The following FBXW11 variants were observed in gnomAD, a reference collection of about 807,000 sequenced individuals.
The protein encoded by FBXW11 is F-box/WD repeat-containing protein 11.
In FBXW11, 19 loss-of-function variants were observed where a neutral mutation model predicts 77.6. That is an observed-to-expected ratio of 0.24 (90% CI 0.17 to 0.36). The LOEUF (loss-of-function observed/expected upper bound fraction) is 0.36, where lower values mean the gene tolerates loss of function less well. FBXW11 is among the 10% of genes least tolerant of loss of function. The pLI, the probability that FBXW11 is intolerant of heterozygous loss-of-function variation, is 1.00. For missense variants in FBXW11, 334 were observed against 704.2 expected (o/e 0.47, Z 5.95); for synonymous variants, 235 against 249.4 (o/e 0.94, Z 0.54).
chr5:171,922,372 T>C (rs1761645905), intron 2 of FBXW11, among the ~76,000 whole-genome samples: 1 of 152,228 alleles, frequency 6.6e-6, no homozygotes, highest in Non-Finnish European at 1.5e-5. Context: ...AGCTTTTCAT[T>C]GTTCTTGTTA....
intron 2 of FBXW11, among the ~76,000 whole-genome samples, chr5:171,931,815 CTCTCTCT>C (rs1237110837): frequency 3.8e-5 from 4 of 105,364 alleles, no homozygotes; most frequent in Non-Finnish European, 5.4e-5. Context: ...TCTCTCTCTC[CTCTCTCT>C]CTCTCTCTCT....
At chr5:171,878,591 T>TG (rs1561640265) in intron 7 of FBXW11, among the ~76,000 whole-genome samples, 3,022 of 95,188 alleles carry the variant, frequency 0.032, 71 homozygotes, top group East Asian at 0.11. Flanking sequence ...TGTGTGTGTG[T>TG]AAGAGAGAGA....
At chr5:171,891,419 A>G in intron 7 of FBXW11, 48 bp downstream of exon 7, 1 of 1,534,908 alleles carries the variant, frequency 6.5e-7, no homozygotes, top group Non-Finnish European at 8.8e-7. Context: ...AGTGTCTAAC[A>G]CATAGCCACG....
intron 2 of FBXW11, among the ~76,000 whole-genome samples, chr5:171,933,863 C>T (rs796355303): frequency 5.9e-5 from 9 of 151,696 alleles, no homozygotes; most frequent in African/African-American, 2.2e-4. Flanking sequence ...AAAAAAAAAA[C>T]TATACAGGGA....
In FBXW11 at chr5:171,863,678, C is replaced by T. The variant is rs557178290; in HGVS notation, c.*449G>A. The T allele has an allele frequency of 1.6e-4, 25 of 152,666 alleles. No individual in the cohort carries two copies. Among genetic ancestry groups the T allele is most frequent in the Non-Finnish European group, 2.9e-4 (20 of 68,012 alleles). 9.5% of individuals were successfully genotyped at this position (152,666 alleles called of 1,614,324 possible). On this transcript the variant is annotated 3_prime_UTR_variant, in exon 14 of 14. Transcript: ENST00000517395. ...AATGCTAACTTTTGAAAATGAAAGCCCTGGACATTCTGGGTAGGTGTTTGG... is the reference window on the plus strand; with the variant it reads ...AATGCTAACTTTTGAAAATGAAAGCTCTGGACATTCTGGGTAGGTGTTTGG...
intron 1 of FBXW11, chr5:172,003,369 G>A (rs1766531633): frequency 6.6e-6 from 1 of 152,148 alleles, no homozygotes; most frequent in Admixed American, 6.5e-5. Flanking sequence ...GATACATATT[G>A]TACAGTTCTC....
intron 1 of FBXW11, among the ~76,000 whole-genome samples, chr5:172,005,214 T>C (rs1053662653): frequency 2.6e-5 from 4 of 152,214 alleles, no homozygotes; most frequent in Non-Finnish European, 4.4e-5. Context: ...GAAGAAAATC[T>C]GGCTAGGAAA....
At chr5:171,948,077 T>C (rs2113234219) in intron 2 of FBXW11, among the ~76,000 whole-genome samples, 1 of 150,982 alleles carries the variant, frequency 6.6e-6, no homozygotes, top group Admixed American at 6.6e-5. Flanking sequence ...CTACTAAAAA[T>C]ACAAAAAATT....
intron 1 of FBXW11, among the ~76,000 whole-genome samples, chr5:171,994,436 C>G (rs1381763209): frequency 6.6e-6 from 1 of 152,036 alleles, no homozygotes; most frequent in African/African-American, 2.4e-5. Context: ...GTTTTGAGTG[C>G]CAACGTGATG....
intron 2 of FBXW11, among the ~76,000 whole-genome samples, chr5:171,931,607 G>A (rs1424437619): frequency 6.6e-6 from 1 of 152,118 alleles, no homozygotes; most frequent in South Asian, 2.1e-4. Flanking sequence ...GATGATCTTA[G>A]GTTTGTTGAT....
chr5:171,903,539 T>C (rs539422564), intron 4 of FBXW11, among the ~76,000 whole-genome samples: 41 of 152,342 alleles, frequency 2.7e-4, no homozygotes, highest in Non-Finnish European at 4.6e-4. Flanking sequence ...CAGCCTTCTT[T>C]TATCACATTT....
chr5:171,980,694 T>C (rs1435610956), intron 1 of FBXW11, among the ~76,000 whole-genome samples: 2 of 152,168 alleles, frequency 1.3e-5, no homozygotes, highest in African/African-American at 2.4e-5. Flanking sequence ...CTGACTAGGA[T>C]GTAGAGCAAC....
intron 1 of FBXW11, chr5:171,977,746 ACT>A (rs1426702974): frequency 1.7e-5 from 6 of 347,450 alleles, no homozygotes; most frequent in East Asian, 2.0e-4. Flanking sequence ...GTGCAGGGAA[ACT>A]CCCCTTTTTA....
At chr5:171,902,530 T>C (rs929140282) in intron 4 of FBXW11, among the ~76,000 whole-genome samples, 6 of 152,144 alleles carry the variant, frequency 3.9e-5, no homozygotes, top group African/African-American at 1.4e-4. Flanking sequence ...CCTTTGAAAC[T>C]CATCTAAGAA....
intron 6 of FBXW11, among the ~76,000 whole-genome samples, chr5:171,893,431 A>AAAAAAAAC (rs1759508050): frequency 6.9e-6 from 1 of 145,158 alleles, no homozygotes; most frequent in African/African-American, 2.5e-5. Context: ...CAAAAAAAAA[A>AAAAAAAAC]AAAAAAAAAA....
intron 2 of FBXW11, among the ~76,000 whole-genome samples, chr5:171,928,299 T>C (rs1450097585): frequency 6.6e-6 from 1 of 152,150 alleles, no homozygotes; most frequent in African/African-American, 2.4e-5. Context: ...TTGCAAGACT[T>C]AATATTAAGA....
intron 2 of FBXW11, among the ~76,000 whole-genome samples, chr5:171,948,977 A>G (rs758557590): frequency 4.7e-4 from 71 of 152,338 alleles, no homozygotes; most frequent in Admixed American, 1.6e-3. Flanking sequence ...AACTTTCTCT[A>G]AAATATTAAT....
intron 1 of FBXW11, among the ~76,000 whole-genome samples, chr5:171,967,883 T>TACACACACACAC (rs59469025): frequency 1.3e-5 from 1 of 74,978 alleles, no homozygotes; most frequent in African/African-American, 5.9e-5. Flanking sequence ...TATATATATA[T>TACACACACACAC]ACACACACAC....
chr5:171,921,240 G>C (rs980062325), intron 2 of FBXW11, among the ~76,000 whole-genome samples: 2 of 152,134 alleles, frequency 1.3e-5, no homozygotes, highest in Non-Finnish European at 2.9e-5. Context: ...GGTACAACAG[G>C]CTCTTAGCAG....
Sources: allele counts gnomAD v4.1 joint callset (sites outside exome capture counted in the v4.1 genomes callset), GRCh38; gene constraint gnomAD v4.1.1; transcripts MANE v1.5; gene names NCBI Gene and HGNC (gene_info 2026-07-23, HGNC 2026-07-21).